TMEM87B: variants seen among roughly 807,000 people sequenced by gnomAD.
The protein encoded by TMEM87B is transmembrane protein 87B.
A neutral mutation model predicts 80.3 loss-of-function variants in TMEM87B; 83 were observed. The observed-to-expected ratio is 1.03, with a 90% confidence interval of 0.87 to 1.24. The LOEUF (loss-of-function observed/expected upper bound fraction) is 1.24. TMEM87B is among the 50% of genes most tolerant of loss of function. TMEM87B has a pLI of 0.00. For missense variants in TMEM87B, 625 were observed against 674.4 expected, an observed-to-expected ratio of 0.93 and a Z score of 0.81; for synonymous variants, 219 against 230.5, an observed-to-expected ratio of 0.95 and a Z score of 0.45.
intron 8 of TMEM87B, among the ~76,000 whole-genome samples, chr2:112,082,440 T>C (rs1387159046): frequency 6.6e-6 from 1 of 152,070 alleles, no homozygotes; most frequent in African/African-American, 2.4e-5. Flanking sequence ...AAAAAATGAA[T>C]TGGACTATAG....
intron 9 of TMEM87B, 105 bp downstream of exon 9, chr2:112,086,209 A>G (rs1017670360): frequency 2.5e-6 from 2 of 792,388 alleles, no homozygotes; most frequent in Admixed American, 3.2e-5. Flanking sequence ...TGTAGTACAA[A>G]TCCCTTTGGG....
At chr2:112,085,958 C>CT in intron 8 of TMEM87B, 47 bp from the exon 9 acceptor site, 1 of 1,525,802 alleles carries the variant, frequency 6.6e-7, no homozygotes, top group Non-Finnish European at 9.0e-7. Context: ...GGTTGGCAGG[C>CT]TTCCAGGTGT....
chr2:112,074,607 C>A (rs897973570), intron 4 of TMEM87B, among the ~76,000 whole-genome samples: 1 of 152,026 alleles, frequency 6.6e-6, no homozygotes, highest in African/African-American at 2.4e-5. Flanking sequence ...AATGTTGGCC[C>A]CTCTAGCTAG....
intron 8 of TMEM87B, among the ~76,000 whole-genome samples, chr2:112,084,642 A>G (rs190461636): frequency 3.0e-4 from 46 of 152,332 alleles, no homozygotes; most frequent in African/African-American, 1.1e-3. Context: ...TGCAGGCAAG[A>G]TGGAGCTGAA....
chr2:112,112,516 A>G (rs1679947062), intron 17 of TMEM87B, among the ~76,000 whole-genome samples: 1 of 152,188 alleles, frequency 6.6e-6, no homozygotes, highest in African/African-American at 2.4e-5. Context: ...TAAAAAGCCC[A>G]TTTCCTATTT....
intron 11 of TMEM87B, among the ~76,000 whole-genome samples, chr2:112,096,265 C>T (rs1389424381): frequency 2.6e-5 from 4 of 152,178 alleles, no homozygotes; most frequent in African/African-American, 9.7e-5. Context: ...AACGTTGACT[C>T]ACCGTCAGCC....
Position 112,118,922 on chromosome 2 carries a change from G to A in TMEM87B, c.*2779G>A, listed in dbSNP as rs1680092114. On this transcript the variant is annotated 3_prime_UTR_variant, in exon 19 of 19. Coordinates refer to ENST00000283206, the MANE Select transcript of TMEM87B (RefSeq NM_032824.3). ...AGTTCTGGTACTTGTGTCTTTGTAT[G>A]ATCAAAGCATGCAATAAGCAATACA... 6.6e-6 allele frequency: 1 copy of A among 152,014 alleles called. No individual in the cohort carries two copies. Among genetic ancestry groups the A allele is most frequent in the African/African-American group, 2.4e-5 (1 of 41,372 alleles). The allele number at this position is 152,014 out of a possible 1,614,324, so 9.4% of individuals were successfully genotyped here.
At chr2:112,089,579 C>A in intron 9 of TMEM87B, 46 bp from the exon 10 acceptor site, 2 of 1,567,660 alleles carry the variant, frequency 1.3e-6, no homozygotes, top group South Asian at 1.1e-5. Context: ...GCATTTTACT[C>A]ACCCATGCTT....
chr2:112,060,964 A>G (rs1678241605), intron 2 of TMEM87B, among the ~76,000 whole-genome samples: 1 of 152,242 alleles, frequency 6.6e-6, no homozygotes, highest in South Asian at 2.1e-4. Flanking sequence ...TTTGAGTCTC[A>G]GATTTTTAAA....
At chr2:112,083,052 G>A (rs1459082243) in intron 8 of TMEM87B, among the ~76,000 whole-genome samples, 1 of 152,226 alleles carries the variant, frequency 6.6e-6, no homozygotes, top group Non-Finnish European at 1.5e-5. Context: ...TGTGACAGGG[G>A]CTGTCTTGCC....
intron 3 of TMEM87B, among the ~76,000 whole-genome samples, chr2:112,065,822 T>C (rs1197693261): frequency 2.0e-5 from 3 of 152,132 alleles, no homozygotes; most frequent in Non-Finnish European, 4.4e-5. Context: ...TTCCCCCCTT[T>C]TTGGTGTGTC....
intron 17 of TMEM87B, among the ~76,000 whole-genome samples, chr2:112,109,862 G>A (rs1679867938): frequency 6.7e-6 from 1 of 149,606 alleles, no homozygotes; most frequent in Non-Finnish European, 1.5e-5. Context: ...TGCCTCCCAA[G>A]TTCCAGTGAT....
At chr2:112,080,650 G>T (rs1678967015) in intron 6 of TMEM87B, among the ~76,000 whole-genome samples, 1 of 152,124 alleles carries the variant, frequency 6.6e-6, no homozygotes, top group South Asian at 2.1e-4. Flanking sequence ...TGGATATATG[G>T]CTTGCTAATT....
chr2:112,112,315 G>A (rs1295820024), intron 17 of TMEM87B, among the ~76,000 whole-genome samples: 1 of 151,988 alleles, frequency 6.6e-6, no homozygotes, highest in East Asian at 1.9e-4. Flanking sequence ...CTTCTCTCTG[G>A]TACCCTTTGC....
At chr2:112,059,034 C>T (rs1411863068) in intron 1 of TMEM87B, among the ~76,000 whole-genome samples, 1 of 152,088 alleles carries the variant, frequency 6.6e-6, no homozygotes, top group Non-Finnish European at 1.5e-5. Flanking sequence ...GTCCTTTAGG[C>T]AGTTGGGTAT....
Position 112,087,571 on chromosome 2 carries a change from CTT to C in TMEM87B, c.938+1469_938+1470del, listed in dbSNP as rs1324238068. ...CTTGATAGTCACGGGCCACCCCTGC[CTT>C]TGTGCCCACTCAACTGTGAGGGAAA... On this transcript the variant is annotated intron_variant, in intron 9 of 18. Transcript: ENST00000283206. 2.0e-5 allele frequency among the ~76,000 whole-genome samples: 3 copies of C among 152,142 alleles called. No individual in the cohort carries two copies. The South Asian group carries it at 6.2e-4, about 32-fold the overall frequency.
chr2:112,075,551 A>T (rs1558835043), intron 5 of TMEM87B, among the ~76,000 whole-genome samples: 4 of 152,230 alleles, frequency 2.6e-5, no homozygotes, highest in African/African-American at 9.6e-5. Flanking sequence ...TGTGCAAGAC[A>T]GCATAGCAAT....
rs142584664 is a variant in TMEM87B at position 112,064,484 on chromosome 2, G to T, written c.318+231G>T. On this transcript the variant is annotated intron_variant, in intron 3 of 18. Transcript: ENST00000283206. ...TTAGTAAATGTTTAAATTCAGGCACGTAGGAGTCATTGATAAAGACGCATA... is the reference window on the plus strand; with the variant it reads ...TTAGTAAATGTTTAAATTCAGGCACTTAGGAGTCATTGATAAAGACGCATA... 2.6e-5 allele frequency among the ~76,000 whole-genome samples: 4 copies of T among 152,318 alleles called. No homozygotes were observed. The South Asian group carries it at 8.3e-4, about 32-fold the overall frequency.
chr2:112,112,939 AT>A lies in TMEM87B; in HGVS notation c.1608+15del. ...AGTGGATTCAGATGAGGTAAAATATATTTTTGCATATTTCCTTGGAGCTGAT... is the reference window on the plus strand; with the variant it reads ...AGTGGATTCAGATGAGGTAAAATATATTTTGCATATTTCCTTGGAGCTGAT... On this transcript the variant is annotated intron_variant, in intron 18 of 18. Transcript: ENST00000283206. 1 of 1,610,320 alleles carries A rather than the reference AT, an allele frequency of 6.2e-7. No homozygotes were observed. The highest frequency in any genetic ancestry group is 8.5e-7 in the Non-Finnish European group (1 of 1,177,524).
Sources: gnomAD v4.1 joint callset for allele counts (sites outside exome capture counted in the v4.1 genomes callset) on GRCh38, gnomAD v4.1.1 for gene constraint, MANE v1.5 for transcripts, NCBI Gene and HGNC (gene_info 2026-07-23, HGNC 2026-07-21) for gene names.